BDNF: variants seen among roughly 807,000 people sequenced by gnomAD.
BDNF encodes the protein neurotrophic factor BDNF precursor form.
BDNF carries 1 observed loss-of-function variant against 19.5 expected under a neutral mutation model. The observed-to-expected ratio is 0.05, with a 90% CI of 0.02 to 0.24. The LOEUF is 0.24. Among genes scored for constraint, BDNF ranks in the 10% least tolerant of loss-of-function variants. The pLI, the probability that BDNF is intolerant of heterozygous loss-of-function variation, is 1.00. For synonymous variants in BDNF, 100 were observed against 121.6 expected (o/e 0.82, Z 1.17); for missense variants, 195 against 317.6 (o/e 0.61, Z 2.93).
chr11:27,691,423 A>C (rs1858262421), intron 1 of BDNF, among the ~76,000 whole-genome samples: 1 of 152,256 alleles, frequency 6.6e-6, no homozygotes, highest in African/African-American at 2.4e-5. Flanking sequence ...GAATTAACAA[A>C]TGAATTAATG....
At chr11:27,696,898 C>T (rs144881473) in intron 1 of BDNF, among the ~76,000 whole-genome samples, 1 of 152,302 alleles carries the variant, frequency 6.6e-6, no homozygotes, top group African/African-American at 2.4e-5. Flanking sequence ...CAGAGTTTAG[C>T]TATCATCCAC....
At chr11:27,690,623 C>T (rs1300426514) in intron 1 of BDNF, among the ~76,000 whole-genome samples, 1 of 152,138 alleles carries the variant, frequency 6.6e-6, no homozygotes, top group Non-Finnish European at 1.5e-5. Context: ...CTCCTGACTT[C>T]ACAATGAAAG....
At chr11:27,706,206 A>T (rs1860104447) in intron 1 of BDNF, among the ~76,000 whole-genome samples, 1 of 152,248 alleles carries the variant, frequency 6.6e-6, no homozygotes, top group African/African-American at 2.4e-5. Context: ...AGGAGTGGAT[A>T]GGGTGAGAGG....
chr11:27,667,757 A>T (rs1424846335), intron 1 of BDNF, among the ~76,000 whole-genome samples: 1 of 152,222 alleles, frequency 6.6e-6, no homozygotes, highest in Non-Finnish European at 1.5e-5. Context: ...GGAGCACCAG[A>T]TTCACAAAGC....
chr11:27,683,797 T>G (rs189816796), intron 1 of BDNF, among the ~76,000 whole-genome samples: 1 of 152,212 alleles, frequency 6.6e-6, no homozygotes, highest in Non-Finnish European at 1.5e-5. Flanking sequence ...CATGATGTTT[T>G]GGTTACTGTA....
At chr11:27,703,322 G>A (rs1859986601), upstream of BDNF, among the ~76,000 whole-genome samples, 1 of 152,080 alleles carries the variant, frequency 6.6e-6, no homozygotes, top group African/African-American at 2.4e-5. Context: ...ACATTATAAA[G>A]GACTGGAGGA....
At chr11:27,690,444 C>A (rs571573887) in intron 1 of BDNF, among the ~76,000 whole-genome samples, 1 of 152,046 alleles carries the variant, frequency 6.6e-6, no homozygotes, top group Non-Finnish European at 1.5e-5. Flanking sequence ...GAGATTCACA[C>A]ACACACACAC....
intron 1 of BDNF, among the ~76,000 whole-genome samples, chr11:27,664,796 T>C (rs1854043705): frequency 6.6e-6 from 1 of 151,950 alleles, no homozygotes. Context: ...AAAGCAACTG[T>C]TTTGCTGTAA....
At chr11:27,700,524 C>G (rs1859799592), upstream of BDNF, 4 of 216,810 alleles carry the variant, frequency 1.8e-5, no homozygotes, top group Non-Finnish European at 2.2e-5. Flanking sequence ...GGCGCCGCCC[C>G]CCCCCCCCCG....
intron 1 of BDNF, among the ~76,000 whole-genome samples, chr11:27,666,175 A>G (rs530416473): frequency 3.2e-4 from 49 of 152,248 alleles, no homozygotes; most frequent in Non-Finnish European, 6.0e-4. Flanking sequence ...GTGGACCTCC[A>G]GCAAACTCCA....
chr11:27,657,897 T>C lies in BDNF; in HGVS notation c.668A>G (p.Lys223Arg). 1.2e-6 allele frequency: 2 copies of C among 1,614,192 alleles called. No homozygotes were observed. Among genetic ancestry groups the C allele is most frequent in the South Asian group, 1.1e-5 (1 of 91,084 alleles). The stretch of plus-strand genomic sequence containing the variant: ...TATGAATCGCCAGCCAATTCTCTTT[T>C]TGCTATCCATGGTAAGGGCCCGCAC... ...SYVRALTMDS[K>R]KRIGWRFIRI... Residue 223 changes from lysine to arginine, a missense_variant, in exon 2 of 2, where the codon AAA becomes AGA. Lys to Arg is a conservative substitution (Grantham distance 26). Transcript: ENST00000356660. The surrounding 1 kb of genome is among the most constrained non-coding windows in gnomAD (Gnocchi z 5.0).
At position 27,656,576 on chromosome 11, in the gene BDNF, C is replaced by A. The variant is rs1852571868; in HGVS notation, c.*1245G>T. ...ATTCCTCCCGCACTGCCGGTAAATG[C>A]AATGCCAACTCCACATAGCCTCCAT... On this transcript the variant is annotated 3_prime_UTR_variant, in exon 2 of 2. Coordinates refer to ENST00000356660, the MANE Select transcript of BDNF (RefSeq NM_001709.5). The A allele has an allele frequency of 9.1e-6, 9 of 985,830 alleles. No homozygotes were observed. Among genetic ancestry groups the A allele is most frequent in the Non-Finnish European group, 1.1e-5 (9 of 829,960 alleles). 61.1% of individuals were successfully genotyped at this position (985,830 alleles called of 1,614,324 possible). A position where few individuals can be genotyped will look rare whatever the true frequency, so the allele number is the denominator to read the frequency against.
chr11:27,658,285 C>G lies in BDNF; in HGVS notation c.280G>C (p.Val94Leu). 1 of 1,614,060 alleles carries G rather than the reference C, an allele frequency of 6.2e-7. No homozygotes were observed. The highest frequency in any genetic ancestry group is 8.5e-7 in the Non-Finnish European group (1 of 1,180,030). Residue 94 changes from valine (V) to leucine (L), a missense_variant, in exon 2 of 2, where the codon GTG (valine) becomes CTG (leucine). By Grantham distance (32) the Val-to-Leu change is conservative. Transcript: ENST00000356660. This position sits in a 1 kb window ranked among gnomAD's most constrained non-coding sequence, Gnocchi z 5.7. ...AAAGGCACTTGACTACTGAGCATCA[C>G]CCTGGACGTGTACAAGTCTGCGTCC... ...NKDADLYTSR[V>L]MLSSQVPLEP...
In BDNF at chr11:27,658,701, T is replaced by TA; in HGVS notation, c.-21-117dup. ...CCATTCTGCAGGGTCAAGGTTTTTT[T>TA]ATGTCTTGGTGATAAACTCCAGCTG... On this transcript the variant is annotated intron_variant, in intron 1 of 1. Transcript: ENST00000356660. The surrounding 1 kb of genome is among the most constrained non-coding windows in gnomAD (Gnocchi z 5.7). 1 of 1,586,672 alleles carries TA rather than the reference T, an allele frequency of 6.3e-7. No homozygotes were observed. Among genetic ancestry groups the TA allele is most frequent in the Non-Finnish European group, 8.6e-7 (1 of 1,166,684 alleles).
intron 1 of BDNF, among the ~76,000 whole-genome samples, chr11:27,663,211 C>A (rs1853749439): frequency 6.6e-6 from 1 of 152,152 alleles, no homozygotes; most frequent in Non-Finnish European, 1.5e-5. Flanking sequence ...CTTTATCACA[C>A]ATAAGATAAA....
At position 27,694,447 on chromosome 11, in the gene BDNF, T is replaced by C. The variant is rs1270501792; in HGVS notation, c.-22+5717A>G. ...AGCCATTAATCAATCTATTAGTGCATTCAGCAACATTTATCAAAGTGCCTC... is the reference window on the plus strand; with the variant it reads ...AGCCATTAATCAATCTATTAGTGCACTCAGCAACATTTATCAAAGTGCCTC... On this transcript the variant is annotated intron_variant, in intron 1 of 1. Coordinates refer to ENST00000356660, the MANE Select transcript of BDNF (RefSeq NM_001709.5). 2.0e-5 allele frequency among the ~76,000 whole-genome samples: 3 copies of C among 152,314 alleles called. No homozygotes were observed. In the East Asian group the frequency reaches 5.8e-4, roughly 29 times the overall value.
chr11:27,692,480 T>TAC (rs567140867), intron 1 of BDNF, among the ~76,000 whole-genome samples: 47 of 152,150 alleles, frequency 3.1e-4, no homozygotes, highest in Non-Finnish European at 6.6e-4. Context: ...TAGCTGGGAC[T>TAC]ACAAGTGCCT....
chr11:27,700,718 G>T, upstream of BDNF: 2 of 1,166,854 alleles, frequency 1.7e-6, no homozygotes, highest in South Asian at 1.7e-5. Context: ...CGAGTCCTGC[G>T]CCCTCCTGGG....
At chr11:27,671,225 G>T (rs1287677831) in intron 1 of BDNF, among the ~76,000 whole-genome samples, 2 of 151,942 alleles carry the variant, frequency 1.3e-5, no homozygotes, top group African/African-American at 4.8e-5. Flanking sequence ...GTTAATGGGT[G>T]CAGCACACCA....
Sources: gnomAD v4.1 joint callset for allele counts (sites outside exome capture counted in the v4.1 genomes callset) on GRCh38, gnomAD v4.1.1 for gene constraint, Gnocchi (gnomAD v3.1) non-coding constraint, MANE v1.5 for transcripts, NCBI Gene and HGNC (gene_info 2026-07-23, HGNC 2026-07-21) for gene names.